The following SIPA1L1 variants were observed in gnomAD, a reference collection of about 807,000 sequenced individuals.
SIPA1L1 encodes the protein signal induced proliferation associated 1 like 1.
SIPA1L1 carries 26 observed loss-of-function variants against 162.7 expected under a neutral mutation model. The observed-to-expected ratio is 0.16, with a 90% CI of 0.12 to 0.22. SIPA1L1 has a LOEUF of 0.22. Among genes scored for constraint, SIPA1L1 ranks in the 10% least tolerant of loss-of-function variants. The pLI, the probability that SIPA1L1 is intolerant of heterozygous loss-of-function variation, is 1.00. For synonymous variants in SIPA1L1, 829 were observed against 837.4 expected (o/e 0.99, Z 0.17); for missense variants, 1,874 against 2,241.0 (o/e 0.84, Z 3.31).
intron 2 of SIPA1L1, among the ~76,000 whole-genome samples, chr14:71,434,233 A>G (rs890471839): frequency 2.6e-5 from 4 of 152,226 alleles, no homozygotes; most frequent in Non-Finnish European, 5.9e-5. Context: ...AGGACCTGAA[A>G]TCTAGTAGAT....
At chr14:71,666,737 T>G (rs2149314833) in intron 10 of SIPA1L1, among the ~76,000 whole-genome samples, 1 of 152,178 alleles carries the variant, frequency 6.6e-6, no homozygotes, top group South Asian at 2.1e-4. Flanking sequence ...TTAGACCAAA[T>G]TGTTAAACAG....
chr14:71,516,044 T>C (rs2051693976), intron 3 of SIPA1L1, among the ~76,000 whole-genome samples: 1 of 152,210 alleles, frequency 6.6e-6, no homozygotes, highest in Non-Finnish European at 1.5e-5. Context: ...TGTGTTAACT[T>C]TAAGTGGTAT....
chr14:71,516,157 A>G (rs1302410604), intron 3 of SIPA1L1, among the ~76,000 whole-genome samples: 1 of 152,226 alleles, frequency 6.6e-6, no homozygotes, highest in Non-Finnish European at 1.5e-5. Context: ...GCTGATTGAA[A>G]TCAGACGCAT....
chr14:71,377,605 C>T lies in SIPA1L1; in HGVS notation c.-465+56424C>T, dbSNP rs1260725879. On this transcript the variant is annotated intron_variant, in intron 2 of 23. Coordinates refer to ENST00000381232, the MANE Select transcript of SIPA1L1 (RefSeq NM_001386936.1). The surrounding 1 kb of genome is among the most constrained non-coding windows in gnomAD (Gnocchi z 4.8). ...CCGGGCAGAGGCTGCAATCTCAGCACTTTGGGAGGCCAAGGCAGGCGGCTG... is the reference window on the plus strand; with the variant it reads ...CCGGGCAGAGGCTGCAATCTCAGCATTTTGGGAGGCCAAGGCAGGCGGCTG... Among the ~76,000 whole-genome samples the T allele has an allele frequency of 6.6e-6, 1 of 152,206 alleles. No homozygotes were observed. Among genetic ancestry groups the T allele is most frequent in the Non-Finnish European group, 1.5e-5 (1 of 68,028 alleles).
intron 4 of SIPA1L1, among the ~76,000 whole-genome samples, chr14:71,582,036 A>G (rs1358862722): frequency 6.6e-6 from 1 of 152,120 alleles, no homozygotes; most frequent in East Asian, 1.9e-4. Flanking sequence ...TGTTGCATCA[A>G]TTTACTACTT....
chr14:71,428,080 C>T (rs1004040774), intron 2 of SIPA1L1, among the ~76,000 whole-genome samples: 11 of 151,884 alleles, frequency 7.2e-5, no homozygotes, highest in Admixed American at 5.3e-4. Flanking sequence ...GCAGCCTCCA[C>T]CTCCCAGATT....
chr14:71,392,614 G>A (rs1305966515), intron 2 of SIPA1L1, among the ~76,000 whole-genome samples: 3 of 151,854 alleles, frequency 2.0e-5, no homozygotes, highest in Non-Finnish European at 4.4e-5. Flanking sequence ...TGCAAGCCCC[G>A]CCTTCCGGCT....
rs965635100 is a variant in SIPA1L1 at position 71,685,267 on chromosome 14, GATCCATTTTTAAGTGTTAATGAGA to G, written c.3105-91_3105-68del. On this transcript the variant is annotated intron_variant, in intron 12 of 23. Coordinates refer to ENST00000381232, the MANE Select transcript of SIPA1L1 (RefSeq NM_001386936.1). ...GTTTGAAACAGAGGGTGAAATTGTG[GATCCATTTTTAAGTGTTAATGAGA>G]ATCAATGTGGTTCCACCAGCAAGAA... 10 of 1,336,734 alleles carry G rather than the reference GATCCATTTTTAAGTGTTAATGAGA, an allele frequency of 7.5e-6. No individual in the cohort carries two copies. In the African/African-American group the frequency reaches 1.5e-4, roughly 19 times the overall value. The allele number at this position is 1,336,734 out of a possible 1,614,324, so 82.8% of individuals were successfully genotyped here.
intron 6 of SIPA1L1, among the ~76,000 whole-genome samples, chr14:71,622,027 C>G (rs1342215364): frequency 6.6e-6 from 1 of 152,006 alleles, no homozygotes; most frequent in Admixed American, 6.6e-5. Context: ...GAGATAGTTC[C>G]TTCACTTTTT....
In SIPA1L1 at chr14:71,652,647, CTTTT is replaced by C. The variant is rs560430162; in HGVS notation, c.1993+2144_1993+2147del. ...TGGTTCTTTTTTTTTTCCCCCTAAC[CTTTT>C]TTTTTCCTTCTGTGCTTCAGTTTGG... On this transcript the variant is annotated intron_variant, in intron 8 of 23. Coordinates refer to ENST00000381232, the MANE Select transcript of SIPA1L1 (RefSeq NM_001386936.1). 2.0e-5 allele frequency among the ~76,000 whole-genome samples: 3 copies of C among 150,492 alleles called. No individual in the cohort carries two copies. In the South Asian group the frequency reaches 6.3e-4, roughly 32 times the overall value.
At chr14:71,527,008 G>C (rs1388555003) in intron 3 of SIPA1L1, among the ~76,000 whole-genome samples, 1 of 152,122 alleles carries the variant, frequency 6.6e-6, no homozygotes, top group Non-Finnish European at 1.5e-5. Flanking sequence ...AAGTCTTGGT[G>C]TTGTCAGATT....
At chr14:71,729,925 T>C (rs886220263) in intron 19 of SIPA1L1, 130 bp from the exon 20 acceptor site, 2 of 988,126 alleles carry the variant, frequency 2.0e-6, no homozygotes, top group African/African-American at 3.2e-5. Context: ...AAATAGACAA[T>C]GAGCCCTGAA....
At chr14:71,716,593 G>A (rs1054155967) in intron 17 of SIPA1L1, among the ~76,000 whole-genome samples, 6 of 152,108 alleles carry the variant, frequency 3.9e-5, no homozygotes, top group Non-Finnish European at 8.8e-5. Context: ...AATTCACAGT[G>A]GTCTCCCCAG....
Position 71,589,245 on chromosome 14 carries a change from C to T in SIPA1L1, c.1373C>T (p.Ala458Val), listed in dbSNP as rs2034958077. 1 of 1,614,068 alleles carries T rather than the reference C, an allele frequency of 6.2e-7. No homozygotes were observed. Among genetic ancestry groups the T allele is most frequent in the Non-Finnish European group, 8.5e-7 (1 of 1,179,960 alleles). The change falls in exon 5 of 24, where the codon GCA becomes GTA. Residue 458 changes from alanine to valine, a missense_variant. Ala to Val is a moderately conservative substitution (Grantham distance 64). This residue lies in a region of SIPA1L1 where 685 missense variants were observed against 828.0 expected (regional missense o/e 0.83). Transcript: ENST00000381232. ...ESTLSSHCTN[A>V]GVAVLEVPKE... ...ACCCTTAGTTCCCATTGCACAAATG[C>T]AGGAGTGGCAGTACTTGAAGTGCCC...
intron 20 of SIPA1L1, among the ~76,000 whole-genome samples, chr14:71,732,567 CA>C (rs2084898322): frequency 6.6e-6 from 1 of 152,202 alleles, no homozygotes; most frequent in African/African-American, 2.4e-5. Context: ...CCCTGCCAAG[CA>C]GATCTTAGTT....
chr14:71,369,796 A>T (rs1377052662), intron 2 of SIPA1L1, among the ~76,000 whole-genome samples: 2 of 149,660 alleles, frequency 1.3e-5, no homozygotes, highest in Non-Finnish European at 3.0e-5. Flanking sequence ...ATCCATGAGC[A>T]TGGAATGTTC....
intron 7 of SIPA1L1, among the ~76,000 whole-genome samples, chr14:71,646,368 G>T (rs1409530652): frequency 6.6e-6 from 1 of 152,100 alleles, no homozygotes; most frequent in Non-Finnish European, 1.5e-5. Context: ...AGTAGAGACG[G>T]GGTTTCACCG....
rs765106790 is a variant in SIPA1L1, at chr14:71,446,894, G to GTTTTTTTTTTTTTTTTTT, written c.-464-65838_-464-65837insTTTTTTTTTTTTTTTTTT. Among the ~76,000 whole-genome samples, 29 of 87,404 alleles carry GTTTTTTTTTTTTTTTTTT rather than the reference G, an allele frequency of 3.3e-4. 8 individuals carry two copies. Among genetic ancestry groups the GTTTTTTTTTTTTTTTTTT allele is most frequent in the African/African-American group, 7.4e-4 (17 of 23,000 alleles). 57.3% of individuals were successfully genotyped at this position (87,404 alleles called of 152,430 possible). ...CTGCAAATAAAGAGAGATGGGCTCT[G>GTTTTTTTTTTTTTTTTTT]TTTTTTTTTTTGTTTTTTTTTTTTT... On this transcript the variant is annotated intron_variant, in intron 2 of 23. Transcript: ENST00000381232.
chr14:71,577,091 AAAAG>A (rs1238552322), intron 4 of SIPA1L1, among the ~76,000 whole-genome samples: 2 of 151,590 alleles, frequency 1.3e-5, no homozygotes, highest in African/African-American at 2.4e-5. Context: ...AAAAAGAAGA[AAAAG>A]AAAATAATGG....
Sources: gnomAD v4.1 joint callset for allele counts (sites outside exome capture counted in the v4.1 genomes callset) on GRCh38, gnomAD v4.1.1 for gene constraint, gnomAD v4.1.1 regional missense constraint, Gnocchi (gnomAD v3.1) non-coding constraint, MANE v1.5 for transcripts, NCBI Gene and HGNC (gene_info 2026-07-23, HGNC 2026-07-21) for gene names.